Variants in TSHZ3 observed in about 807,000 individuals in gnomAD.
The protein encoded by TSHZ3 is teashirt zinc finger homeobox 3.
A neutral mutation model predicts 64.5 loss-of-function variants in TSHZ3; 10 were observed. The ratio of observed to expected loss-of-function variants is 0.16; its 90% CI spans 0.10 to 0.26. The LOEUF is 0.26. Among genes scored for constraint, TSHZ3 ranks in the 10% least tolerant of loss-of-function variants. The pLI is 1.00. For missense variants in TSHZ3, 1,242 were observed against 1,421.7 expected, an observed-to-expected ratio of 0.87 and a Z score of 2.03; for synonymous variants, 608 against 593.1, an observed-to-expected ratio of 1.03 and a Z score of -0.36.
rs780984577 is a variant in TSHZ3, at chr19:31,279,471, C to A, written c.322G>T (p.Asp108Tyr). Reference protein sequence around the residue: ...ETKEVTVPLEDTTVSDSLEQM... With the variant: ...ETKEVTVPLEYTTVSDSLEQM... ...TCCAGGCTATCCGACACAGTCGTGTCTTCCAGTGGGACCGTGACCTCCTTG... is the reference window on the plus strand; with the variant it reads ...TCCAGGCTATCCGACACAGTCGTGTATTCCAGTGGGACCGTGACCTCCTTG... Residue 108 changes from aspartate (D) to tyrosine (Y), a missense_variant, in exon 2 of 2, where the codon GAC (aspartate) becomes TAC (tyrosine). By Grantham distance (160) the Asp-to-Tyr change is radical. Coordinates refer to ENST00000240587, the MANE Select transcript of TSHZ3 (RefSeq NM_020856.4). The surrounding 1 kb of genome is among the most constrained non-coding windows in gnomAD (Gnocchi z 6.4). 4.0e-5 allele frequency: 64 copies of A among 1,614,106 alleles called. No homozygotes were observed. The highest frequency in any genetic ancestry group is 4.6e-5 in the Non-Finnish European group (54 of 1,180,060).
At chr19:31,184,858 A>G (rs1246143389) in intron 5 of TSHZ3, among the ~76,000 whole-genome samples, 1 of 152,244 alleles carries the variant, frequency 6.6e-6, no homozygotes, top group African/African-American at 2.4e-5. Context: ...TGAAAATGAC[A>G]TTAGCAAAAA....
intron 3 of TSHZ3, among the ~76,000 whole-genome samples, chr19:31,237,580 C>G (rs898584690): frequency 6.6e-6 from 1 of 151,456 alleles, no homozygotes; most frequent in Non-Finnish European, 1.5e-5. Flanking sequence ...TTAATTTTCC[C>G]CATGTGAATG....
chr19:31,162,141 A>G (rs1211137178), intron 5 of TSHZ3, among the ~76,000 whole-genome samples: 3 of 152,090 alleles, frequency 2.0e-5, no homozygotes, highest in East Asian at 1.9e-4. Flanking sequence ...CCCTGATTTT[A>G]TTCTCCAAGG....
intron 1 of TSHZ3, among the ~76,000 whole-genome samples, chr19:31,314,976 G>C (rs968147433): frequency 6.6e-6 from 1 of 152,194 alleles, no homozygotes; most frequent in African/African-American, 2.4e-5. Flanking sequence ...CTACAGATGC[G>C]TGCTGGACAG....
chr19:31,203,608 C>A (rs951138770), intron 5 of TSHZ3, among the ~76,000 whole-genome samples: 8 of 152,106 alleles, frequency 5.3e-5, no homozygotes, highest in African/African-American at 1.9e-4. Flanking sequence ...ATCCAGCCCT[C>A]GGGACGGTCA....
intron 1 of TSHZ3, among the ~76,000 whole-genome samples, chr19:31,246,884 A>C (rs1034658234): frequency 1.3e-5 from 2 of 152,186 alleles, no homozygotes; most frequent in African/African-American, 4.8e-5. Context: ...AAAGAATAAC[A>C]GGGACATATC....
At chr19:31,239,328 G>A (rs1312663101) in intron 3 of TSHZ3, among the ~76,000 whole-genome samples, 5 of 152,022 alleles carry the variant, frequency 3.3e-5, no homozygotes, top group Non-Finnish European at 5.9e-5. Flanking sequence ...GAATAAAAGG[G>A]AGGCTTTTAT....
chr19:31,211,494 G>A (rs1002702732), intron 4 of TSHZ3, among the ~76,000 whole-genome samples: 19 of 152,142 alleles, frequency 1.2e-4, no homozygotes, highest in African/African-American at 3.1e-4. Flanking sequence ...TCCTGGACCC[G>A]GGGAAGAAGG....
At chr19:31,199,274 G>T (rs529114603) in intron 5 of TSHZ3, among the ~76,000 whole-genome samples, 2 of 151,572 alleles carry the variant, frequency 1.3e-5, no homozygotes, top group South Asian at 4.2e-4. Context: ...CATCGTGGCG[G>T]GCGCCTGTAG....
chr19:31,311,244 G>A (rs1019596920), intron 1 of TSHZ3, among the ~76,000 whole-genome samples: 6 of 152,248 alleles, frequency 3.9e-5, no homozygotes, highest in Non-Finnish European at 8.8e-5. Context: ...GAAGGCTGAA[G>A]GGGGTTATTA....
At position 31,345,090 on chromosome 19, in the gene TSHZ3, CCAAGGG is replaced by C. The variant is rs990060529; in HGVS notation, c.40+4084_40+4089del. On this transcript the variant is annotated intron_variant, in intron 1 of 1. Coordinates refer to ENST00000240587, the MANE Select transcript of TSHZ3 (RefSeq NM_020856.4). ...AAGGTTCTCTTCCCCACGTGGACAT[CCAAGGG>C]AATAGCCTTGCCTCCCACCTCCTTT... 5.1e-4 allele frequency among the ~76,000 whole-genome samples: 77 copies of C among 152,280 alleles called. 1 individual carries two copies. Among genetic ancestry groups the C allele is most frequent in the African/African-American group, 1.8e-3 (76 of 41,552 alleles).
intron 3 of TSHZ3, among the ~76,000 whole-genome samples, chr19:31,238,857 G>A (rs1227904897): frequency 7.9e-5 from 12 of 151,996 alleles, no homozygotes; most frequent in Non-Finnish European, 5.9e-5. Flanking sequence ...ATTTTCATTG[G>A]GATGCTTAGT....
intron 4 of TSHZ3, among the ~76,000 whole-genome samples, chr19:31,224,871 G>A (rs1042679541): frequency 6.6e-6 from 1 of 152,220 alleles, no homozygotes; most frequent in Non-Finnish European, 1.5e-5. Context: ...AGCTGGAGGT[G>A]ATAAAGTCCA....
At chr19:31,239,153 C>T (rs551415986) in intron 3 of TSHZ3, among the ~76,000 whole-genome samples, 1 of 152,064 alleles carries the variant, frequency 6.6e-6, no homozygotes, top group Non-Finnish European at 1.5e-5. Context: ...TCCTGTTTTA[C>T]AATAAATATT....
chr19:31,163,080 A>G (rs78463037), intron 5 of TSHZ3, among the ~76,000 whole-genome samples: 1,789 of 152,342 alleles, frequency 0.012, 17 homozygotes, highest in Middle Eastern at 0.037. Context: ...ACCAGGGGAG[A>G]TGAACTCAGG....
intron 4 of TSHZ3, among the ~76,000 whole-genome samples, chr19:31,220,104 CA>C (rs1326993476): frequency 6.6e-6 from 1 of 151,986 alleles, no homozygotes; most frequent in Non-Finnish European, 1.5e-5. Flanking sequence ...AGTGGTAGAA[CA>C]ACTGGATATC....
chr19:31,207,189 A>G (rs2145156184), intron 4 of TSHZ3, among the ~76,000 whole-genome samples: 1 of 152,352 alleles, frequency 6.6e-6, no homozygotes, highest in African/African-American at 2.4e-5. Flanking sequence ...AAAAGTGATT[A>G]TATATTAAAG....
chr19:31,291,225 G>C (rs1976559784), intron 1 of TSHZ3, among the ~76,000 whole-genome samples: 1 of 152,246 alleles, frequency 6.6e-6, no homozygotes, highest in Non-Finnish European at 1.5e-5. Context: ...GATGAGTCCT[G>C]TTCCTCCAGC....
intron 5 of TSHZ3, among the ~76,000 whole-genome samples, chr19:31,159,749 A>G (rs1830489877): frequency 6.6e-6 from 1 of 152,020 alleles, no homozygotes; most frequent in Non-Finnish European, 1.5e-5. Flanking sequence ...CTGGAGTGCA[A>G]CAATACAATC....
Sources: allele counts gnomAD v4.1 joint callset (sites outside exome capture counted in the v4.1 genomes callset), GRCh38; gene constraint gnomAD v4.1.1; non-coding constraint Gnocchi (gnomAD v3.1); transcripts MANE v1.5; gene names NCBI Gene and HGNC (gene_info 2026-07-23, HGNC 2026-07-21).